The following DTNB variants were observed in gnomAD, a reference collection of about 807,000 sequenced individuals.
DTNB encodes the protein dystrobrevin beta, also known as DTN-B.
A neutral mutation model predicts 90.7 loss-of-function variants in DTNB; 63 were observed. The observed-to-expected ratio is 0.69, with a 90% CI of 0.57 to 0.86. DTNB has a LOEUF of 0.86. DTNB is among the 40% of genes least tolerant of loss of function. The probability of loss-of-function intolerance (pLI) is 0.00; values close to 1 mark genes in which losing one functional copy is unlikely to be tolerated. For missense variants in DTNB, 744 were observed against 807.1 expected (o/e 0.92, Z 0.95); for synonymous variants, 277 against 286.7 (o/e 0.97, Z 0.34).
chr2:25,385,790 T>C (rs553449645), intron 18 of DTNB, among the ~76,000 whole-genome samples: 13 of 152,366 alleles, frequency 8.5e-5, no homozygotes, highest in African/African-American at 3.1e-4. Flanking sequence ...CTATAAGCTT[T>C]ACATTTTTGT....
At chr2:25,585,761 A>G (rs191675037) in intron 6 of DTNB, among the ~76,000 whole-genome samples, 32 of 152,354 alleles carry the variant, frequency 2.1e-4, no homozygotes, top group African/African-American at 7.5e-4. Context: ...GGACACTTCT[A>G]AAGTTTTCAG....
intron 1 of DTNB, among the ~76,000 whole-genome samples, chr2:25,667,175 A>C (rs1406958585): frequency 6.6e-6 from 1 of 151,910 alleles, no homozygotes; most frequent in Non-Finnish European, 1.5e-5. Flanking sequence ...ACAAAATCAA[A>C]AGCACTCACT....
chr2:25,607,444 C>A, intron 4 of DTNB, 123 bp from the exon 5 acceptor site: 1 of 896,136 alleles, frequency 1.1e-6, no homozygotes, highest in South Asian at 2.4e-5. Context: ...AATTTTACCA[C>A]ATTTAGAAAC....
At chr2:25,651,337 G>A (rs1042772251) in intron 2 of DTNB, among the ~76,000 whole-genome samples, 1 of 152,224 alleles carries the variant, frequency 6.6e-6, no homozygotes, top group African/African-American at 2.4e-5. Flanking sequence ...AAGTGAGGCA[G>A]CCAAGATCCA....
chr2:25,512,735 AAG>A (rs755864291), intron 9 of DTNB, among the ~76,000 whole-genome samples: 1 of 152,204 alleles, frequency 6.6e-6, no homozygotes, highest in Non-Finnish European at 1.5e-5. Context: ...GTAAATCTGA[AAG>A]AGACAAGTAG....
In DTNB at chr2:25,466,167, T is replaced by A. The variant is rs2061741645; in HGVS notation, c.1080-10673A>T. ...GGCCAACATATAGTGAAACCCTGTCTCTACTAAAAAATACAAAAATTAGCT... is the reference window on the plus strand; with the variant it reads ...GGCCAACATATAGTGAAACCCTGTCACTACTAAAAAATACAAAAATTAGCT... On this transcript the variant is annotated intron_variant, in intron 10 of 20. Coordinates refer to ENST00000406818, the MANE Select transcript of DTNB (RefSeq NM_021907.5). 2.0e-5 allele frequency among the ~76,000 whole-genome samples: 3 copies of A among 152,214 alleles called. No homozygotes were observed. In the South Asian group the frequency reaches 6.2e-4, roughly 32 times the overall value.
intron 4 of DTNB, among the ~76,000 whole-genome samples, chr2:25,616,761 T>C (rs1471088655): frequency 6.6e-6 from 1 of 150,402 alleles, no homozygotes; most frequent in African/African-American, 2.4e-5. Context: ...TGAAACCCCA[T>C]CTCTACTAAA....
chr2:25,500,630 C>T (rs1381841384), intron 9 of DTNB, among the ~76,000 whole-genome samples: 1 of 152,130 alleles, frequency 6.6e-6, no homozygotes, highest in Admixed American at 6.6e-5. Context: ...GGAGACAGTG[C>T]TTTGCCAGTG....
chr2:25,407,472 A>G (rs945284440), intron 16 of DTNB, among the ~76,000 whole-genome samples: 2 of 152,182 alleles, frequency 1.3e-5, no homozygotes, highest in Non-Finnish European at 2.9e-5. Flanking sequence ...ACACGCACAC[A>G]TATGTTTACT....
chr2:25,383,953 G>A, intron 18 of DTNB, 64 bp from the exon 19 acceptor site: 2 of 1,612,204 alleles, frequency 1.2e-6, no homozygotes, highest in Middle Eastern at 1.7e-4. Context: ...GAAGGAGGGT[G>A]AACAAAGCAA....
Position 25,503,994 on chromosome 2 carries a change from G to A in DTNB, c.1002-21121C>T, listed in dbSNP as rs148668553. Among the ~76,000 whole-genome samples, 303 of 150,140 alleles carry A rather than the reference G, an allele frequency of 2.0e-3. 1 individual carries two copies. The highest frequency in any genetic ancestry group is 7.0e-3 in the African/African-American group (286 of 40,820). On this transcript the variant is annotated intron_variant, in intron 9 of 20. Coordinates refer to ENST00000406818, the MANE Select transcript of DTNB (RefSeq NM_021907.5). Reference sequence around the variant, plus strand: ...AGAAATAAATTTAGCCTGGCTGGGCGCAGTGGCTCACGCCTGTAATCCCAG... The same window carrying A: ...AGAAATAAATTTAGCCTGGCTGGGCACAGTGGCTCACGCCTGTAATCCCAG...
chr2:25,617,044 T>C (rs971418529), intron 4 of DTNB, among the ~76,000 whole-genome samples: 1 of 151,956 alleles, frequency 6.6e-6, no homozygotes, highest in South Asian at 2.1e-4. Context: ...TGTTTAACCA[T>C]TTTTCTTATT....
intron 9 of DTNB, among the ~76,000 whole-genome samples, chr2:25,491,308 T>C (rs1409083576): frequency 1.3e-5 from 2 of 152,086 alleles, no homozygotes; most frequent in African/African-American, 2.4e-5. Context: ...CCCAACATCA[T>C]TACCACCACC....
chr2:25,633,908 C>T (rs1390574399), intron 3 of DTNB, among the ~76,000 whole-genome samples: 12 of 151,802 alleles, frequency 7.9e-5, no homozygotes. Flanking sequence ...GCCGCACCGT[C>T]TGAGAAGTGA....
intron 9 of DTNB, among the ~76,000 whole-genome samples, chr2:25,523,529 T>C (rs1179642498): frequency 6.6e-6 from 1 of 151,078 alleles, no homozygotes; most frequent in African/African-American, 2.4e-5. Context: ...TAGTCCTAGC[T>C]ACTCAGGAGG....
Position 25,422,395 on chromosome 2 carries a change from C to CTTTTTT in DTNB, c.1555-2866_1555-2861dup, listed in dbSNP as rs146697158. 9.4e-4 allele frequency among the ~76,000 whole-genome samples: 78 copies of CTTTTTT among 82,948 alleles called. 1 individual carries two copies. The highest frequency in any genetic ancestry group is 1.1e-3 in the East Asian group (3 of 2,836). 54.4% of individuals were successfully genotyped at this position (82,948 alleles called of 152,430 possible). ...ATGTAAATGAGTTTCCTTTTCTCTT[C>CTTTTTT]TTTTTTTTTTTTTTTTTTTTTTTTT... On this transcript the variant is annotated intron_variant, in intron 15 of 20. Coordinates refer to ENST00000406818, the MANE Select transcript of DTNB (RefSeq NM_021907.5).
At chr2:25,560,184 G>A (rs544082110) in intron 8 of DTNB, among the ~76,000 whole-genome samples, 1 of 152,140 alleles carries the variant, frequency 6.6e-6, no homozygotes, top group Admixed American at 6.5e-5. Flanking sequence ...GGGAGGTTGC[G>A]GTGAGCTGAG....
In DTNB at chr2:25,628,288, T is replaced by A; in HGVS notation, c.245A>T (p.Glu82Val). The A allele has an allele frequency of 6.2e-7, 1 of 1,612,820 alleles. No individual in the cohort carries two copies. The highest frequency in any genetic ancestry group is 2.2e-5 in the East Asian group (1 of 44,802). Reference protein sequence around the residue: ...HTTEISVSRLETVISSIYYQL... With the variant: ...HTTEISVSRLVTVISSIYYQL... ...ATAGTAGATGGAGGAGATGACAGTTTCGAGGCGGGACACACTGATCTCGGT... is the reference window on the plus strand; with the variant it reads ...ATAGTAGATGGAGGAGATGACAGTTACGAGGCGGGACACACTGATCTCGGT... Residue 82 changes from glutamate (E) to valine (V), a missense_variant, in exon 4 of 21, where the codon GAA becomes GTA. By Grantham distance (121) the Glu-to-Val change is moderately radical. Coordinates refer to ENST00000406818, the MANE Select transcript of DTNB (RefSeq NM_021907.5).
chr2:25,662,651 T>TACACAC (rs371062484), intron 1 of DTNB, among the ~76,000 whole-genome samples: 1,757 of 129,212 alleles, frequency 0.014, 22 homozygotes, highest in African/African-American at 0.028. Context: ...AATATACAAA[T>TACACAC]ACACACACAC....
Sources: gnomAD v4.1 joint callset for allele counts (sites outside exome capture counted in the v4.1 genomes callset) on GRCh38, gnomAD v4.1.1 for gene constraint, MANE v1.5 for transcripts, NCBI Gene and HGNC (gene_info 2026-07-23, HGNC 2026-07-21) for gene names.